INPP4B: variants seen among roughly 807,000 people sequenced by gnomAD.
INPP4B encodes inositol polyphosphate-4-phosphatase type II B, also known as inositol polyphosphate 4-phosphatase type II.
A neutral mutation model predicts 122.5 loss-of-function variants in INPP4B; 55 were observed. The observed-to-expected ratio is 0.45, with a 90% CI of 0.36 to 0.56. INPP4B has a LOEUF of 0.56. Ranked by LOEUF, INPP4B falls within the 20% of genes least tolerant of loss-of-function variation. INPP4B has a pLI of 0.00. For synonymous variants in INPP4B, 403 were observed against 388.7 expected (o/e 1.04, Z -0.43); for missense variants, 1,000 against 1,097.7 (o/e 0.91, Z 1.26).
intron 25 of INPP4B, among the ~76,000 whole-genome samples, chr4:142,053,709 AT>A (rs1755933597): frequency 1.3e-5 from 2 of 152,188 alleles, no homozygotes; most frequent in South Asian, 4.2e-4. Context: ...GACCTAGAAA[AT>A]TGTGGGAGGG....
chr4:142,690,112 C>T (rs1759952584), intron 2 of INPP4B, among the ~76,000 whole-genome samples: 1 of 152,164 alleles, frequency 6.6e-6, no homozygotes, highest in East Asian at 1.9e-4. Flanking sequence ...CATCAATCAG[C>T]ACCATGACTT....
chr4:142,415,480 G>A (rs35151914), intron 5 of INPP4B, among the ~76,000 whole-genome samples: 39,399 of 151,790 alleles, frequency 0.26, 6,086 homozygotes, highest in South Asian at 0.38. Context: ...TTAGAATGGC[G>A]ATCATTAAAA....
At chr4:142,358,062 AATGT>A (rs1274322926) in intron 7 of INPP4B, among the ~76,000 whole-genome samples, 4 of 152,076 alleles carry the variant, frequency 2.6e-5, no homozygotes, top group Admixed American at 6.6e-5. Flanking sequence ...TGTTTCTTAC[AATGT>A]ATGTAGAGAT....
chr4:142,722,427 A>T (rs1052948627), intron 2 of INPP4B, among the ~76,000 whole-genome samples: 6 of 152,210 alleles, frequency 3.9e-5, no homozygotes, highest in Non-Finnish European at 7.3e-5. Context: ...TGGGGAATTG[A>T]TGGAAGACCT....
chr4:142,219,699 GA>G (rs1455434707), intron 12 of INPP4B, among the ~76,000 whole-genome samples: 1 of 152,148 alleles, frequency 6.6e-6, no homozygotes, highest in East Asian at 1.9e-4. Flanking sequence ...CAGAAATAGA[GA>G]ACATTTCTGG....
At chr4:142,842,754 T>C (rs997089880) in intron 1 of INPP4B, among the ~76,000 whole-genome samples, 1 of 131,064 alleles carries the variant, frequency 7.6e-6, no homozygotes, top group Non-Finnish European at 1.6e-5. Flanking sequence ...ATATAATATA[T>C]CTATAATAAT....
intron 11 of INPP4B, among the ~76,000 whole-genome samples, chr4:142,248,710 G>A (rs1371205542): frequency 6.6e-6 from 1 of 151,760 alleles, no homozygotes. Flanking sequence ...ATTATTTAAA[G>A]GGCCATGTGG....
At chr4:142,314,264 A>G (rs1473549220) in intron 8 of INPP4B, among the ~76,000 whole-genome samples, 1 of 152,160 alleles carries the variant, frequency 6.6e-6, no homozygotes, top group Non-Finnish European at 1.5e-5. Context: ...GGATTTTCCA[A>G]CATTGGACTG....
chr4:142,340,317 T>TG (rs1368878039), intron 7 of INPP4B, among the ~76,000 whole-genome samples: 8 of 152,206 alleles, frequency 5.3e-5, no homozygotes, highest in Non-Finnish European at 1.2e-4. Context: ...GAGGCAATTG[T>TG]GGAGATGAGA....
At position 142,026,874 on chromosome 4, in the gene INPP4B, A is replaced by C. The variant is rs1473955685; in HGVS notation, c.*1908T>G. ...TATTGCTTATAAGAGTATTTACAGA[A>C]TGATAAATTACTTAAGGTTTCTTAG... On this transcript the variant is annotated 3_prime_UTR_variant, in exon 26 of 26. Transcript: ENST00000262992. The C allele has an allele frequency of 6.6e-6, 1 of 152,222 alleles. No individual in the cohort carries two copies. Among genetic ancestry groups the C allele is most frequent in the African/African-American group, 2.4e-5 (1 of 41,462 alleles). 9.4% of individuals were successfully genotyped at this position (152,222 alleles called of 1,614,324 possible).
At chr4:142,317,606 T>G (rs1270837913) in intron 7 of INPP4B, 1 of 167,934 alleles carries the variant, frequency 6.0e-6, no homozygotes, top group Non-Finnish European at 1.4e-5. Flanking sequence ...TCTTTAAATG[T>G]ACAAAGCATT....
intron 5 of INPP4B, among the ~76,000 whole-genome samples, chr4:142,423,150 G>A (rs1221940332): frequency 6.6e-6 from 1 of 152,046 alleles, no homozygotes; most frequent in African/African-American, 2.4e-5. Context: ...CAGCAAGAGA[G>A]TAGGATTGTG....
At position 142,115,342 on chromosome 4, in the gene INPP4B, T is replaced by C. The variant is rs921727074; in HGVS notation, c.2136-2660A>G. Among the ~76,000 whole-genome samples the C allele has an allele frequency of 5.7e-4, 87 of 152,156 alleles. 2 individuals carry two copies. Among genetic ancestry groups the C allele is most frequent in the African/African-American group, 2.0e-3 (84 of 41,508 alleles). ...AAAGATATTCCTCGAGAAGAGCAAC[T>C]CTAAGACACATAATTGTCAGATTTA... is the stretch of plus-strand genomic sequence containing the variant. On this transcript the variant is annotated intron_variant, in intron 21 of 25. Transcript: ENST00000262992.
intron 1 of INPP4B, among the ~76,000 whole-genome samples, chr4:142,843,790 TTC>T (rs1446207262): frequency 1.3e-5 from 2 of 152,102 alleles, no homozygotes; most frequent in Non-Finnish European, 2.9e-5. Flanking sequence ...CAGGTTTTTT[TTC>T]TGTCTTTCAG....
chr4:142,202,483 A>T (rs1427825686), intron 14 of INPP4B, among the ~76,000 whole-genome samples: 1 of 152,112 alleles, frequency 6.6e-6, no homozygotes, highest in Admixed American at 6.6e-5. Flanking sequence ...TATTAAATAC[A>T]TCTAACATAA....
At chr4:142,442,010 G>A (rs994393907) in intron 3 of INPP4B, among the ~76,000 whole-genome samples, 3 of 151,992 alleles carry the variant, frequency 2.0e-5, no homozygotes, top group African/African-American at 7.2e-5. Context: ...TGAAATTGAT[G>A]ATGCTCTTAC....
At chr4:142,379,358 C>G (rs548687158) in intron 7 of INPP4B, among the ~76,000 whole-genome samples, 1 of 152,260 alleles carries the variant, frequency 6.6e-6, no homozygotes, top group South Asian at 2.1e-4. Context: ...GAGAGCTTTA[C>G]TTAATGCCAC....
At chr4:142,501,395 T>C (rs143628786) in intron 2 of INPP4B, among the ~76,000 whole-genome samples, 1 of 152,154 alleles carries the variant, frequency 6.6e-6, no homozygotes, top group East Asian at 1.9e-4. Flanking sequence ...AAAAGACAAA[T>C]GGAAATTGGA....
chr4:142,622,096 C>G (rs142492975), intron 2 of INPP4B, among the ~76,000 whole-genome samples: 42 of 152,068 alleles, frequency 2.8e-4, no homozygotes, highest in African/African-American at 1.0e-3. Flanking sequence ...AATGACCTGG[C>G]ACAGGATAGA....
Sources: allele counts gnomAD v4.1 joint callset (sites outside exome capture counted in the v4.1 genomes callset), GRCh38; gene constraint gnomAD v4.1.1; transcripts MANE v1.5; gene names NCBI Gene and HGNC (gene_info 2026-07-23, HGNC 2026-07-21).